PTPN2: variants seen among roughly 807,000 people sequenced by gnomAD.
The protein encoded by PTPN2 is tyrosine-protein phosphatase non-receptor type 2.
A neutral mutation model predicts 57.3 loss-of-function variants in PTPN2; 19 were observed. The observed-to-expected ratio is 0.33, with a 90% CI of 0.23 to 0.49. PTPN2 has a LOEUF of 0.49. Ranked by LOEUF, PTPN2 falls within the 20% of genes least tolerant of loss-of-function variation. PTPN2 has a pLI of 0.99. For synonymous variants in PTPN2, 153 were observed against 164.9 expected (o/e 0.93, Z 0.55); for missense variants, 358 against 501.1 (o/e 0.71, Z 2.73).
intron 1 of PTPN2, among the ~76,000 whole-genome samples, chr18:12,881,066 C>T (rs1475090072): frequency 6.6e-6 from 1 of 152,186 alleles, no homozygotes; most frequent in African/African-American, 2.4e-5. Flanking sequence ...TTACTCCAAC[C>T]GACTACTGCC....
At chr18:12,857,792 A>T (rs1366616738) in intron 2 of PTPN2, among the ~76,000 whole-genome samples, 1 of 152,224 alleles carries the variant, frequency 6.6e-6, no homozygotes, top group Non-Finnish European at 1.5e-5. Flanking sequence ...AACTGAAGAA[A>T]ATGGAAAACC....
chr18:12,851,254 T>A, intron 2 of PTPN2, among the ~76,000 whole-genome samples: 1 of 47,628 alleles, frequency 2.1e-5, no homozygotes, highest in Non-Finnish European at 5.8e-5. Flanking sequence ...CCGAGGCGGG[T>A]GGATCATGAG....
intron 9 of PTPN2, chr18:12,785,865 T>C: frequency 6.3e-7 from 1 of 1,583,468 alleles, no homozygotes; most frequent in Non-Finnish European, 8.7e-7. Context: ...AAATAAGAAG[T>C]CATCTATTCA....
intron 3 of PTPN2, among the ~76,000 whole-genome samples, chr18:12,834,392 A>G (rs931478916): frequency 6.6e-6 from 1 of 152,178 alleles, no homozygotes; most frequent in Non-Finnish European, 1.5e-5. Flanking sequence ...TGTATAAAAT[A>G]AAGGTAATAC....
In PTPN2 at chr18:12,868,522, C is replaced by T. The variant is rs554338746; in HGVS notation, c.70-9268G>A. Among the ~76,000 whole-genome samples the T allele has an allele frequency of 7.2e-5, 11 of 152,214 alleles. 1 individual carries two copies. In the East Asian group the frequency reaches 2.1e-3, roughly 30 times the overall value. On this transcript the variant is annotated intron_variant, in intron 1 of 8. Transcript: ENST00000309660. ...CCGCCCGCCTTGGCCTCCCAAAGTG[C>T]TGGGATTACAGGCGTGAGCCATCAC... is the stretch of plus-strand genomic sequence containing the variant.
chr18:12,824,381 C>T (rs1462859041), intron 5 of PTPN2, among the ~76,000 whole-genome samples: 10 of 152,194 alleles, frequency 6.6e-5, no homozygotes, highest in African/African-American at 1.9e-4. Context: ...CAGCAAAAAA[C>T]ACAAGTGTTT....
chr18:12,843,252 C>T (rs1236095032), intron 2 of PTPN2, among the ~76,000 whole-genome samples: 2 of 152,122 alleles, frequency 1.3e-5, no homozygotes, highest in Non-Finnish European at 1.5e-5. Flanking sequence ...GGTCTGTTTT[C>T]TTGTCTGTCA....
intron 2 of PTPN2, among the ~76,000 whole-genome samples, chr18:12,848,328 C>T (rs1356111627): frequency 2.0e-5 from 3 of 152,154 alleles, no homozygotes; most frequent in Non-Finnish European, 4.4e-5. Context: ...CGAAGCAATT[C>T]GTATCATCTA....
intron 7 of PTPN2, among the ~76,000 whole-genome samples, chr18:12,812,693 C>T (rs924517196): frequency 6.6e-6 from 1 of 152,042 alleles, no homozygotes; most frequent in Non-Finnish European, 1.5e-5. Context: ...TCTAAATGCA[C>T]CAATTAAAAA....
intron 1 of PTPN2, chr18:12,883,870 CTT>C (rs397959555): frequency 0.074 from 28,265 of 380,556 alleles, 283 homozygotes; most frequent in African/African-American, 0.12. Context: ...CTCAAGTATG[CTT>C]TTTTTTTTTT....
downstream of PTPN2, chr18:12,787,154 T>C (rs1028547582): frequency 5.3e-5 from 8 of 152,258 alleles, no homozygotes; most frequent in African/African-American, 1.9e-4. Context: ...GTTTTTTAAA[T>C]GTGCTCCATT....
At chr18:12,858,121 CTG>C (rs1230074329) in intron 2 of PTPN2, among the ~76,000 whole-genome samples, 1 of 152,160 alleles carries the variant, frequency 6.6e-6, no homozygotes, top group Admixed American at 6.5e-5. Context: ...GGTATACAGT[CTG>C]TGTCCTTGAA....
chr18:12,835,382 C>CTTTTTTTTTTTTTTT lies in PTPN2; in HGVS notation c.261+1408_261+1409insAAAAAAAAAAAAAAA, dbSNP rs60239177. The stretch of plus-strand genomic sequence containing the variant: ...CTGCAATGAACATGATCACATATGT[C>CTTTTTTTTTTTTTTT]TTTTTTTTTTTTTTGGACAGTTTTG... On this transcript the variant is annotated intron_variant, in intron 3 of 8. Transcript: ENST00000309660. Among the ~76,000 whole-genome samples the CTTTTTTTTTTTTTTT allele has an allele frequency of 4.1e-3, 409 of 98,976 alleles. 43 individuals carry two copies. Among genetic ancestry groups the CTTTTTTTTTTTTTTT allele is most frequent in the African/African-American group, 0.015 (370 of 23,876 alleles). 64.9% of individuals were successfully genotyped at this position (98,976 alleles called of 152,430 possible).
At chr18:12,866,778 G>A (rs529562788) in intron 1 of PTPN2, among the ~76,000 whole-genome samples, 12 of 152,230 alleles carry the variant, frequency 7.9e-5, no homozygotes, top group African/African-American at 2.9e-4. Context: ...GGAGGCCGAG[G>A]CAAATCACGA....
At chr18:12,804,289 CAAAAAA>C (rs59927276) in intron 7 of PTPN2, among the ~76,000 whole-genome samples, 7 of 67,868 alleles carry the variant, frequency 1.0e-4, no homozygotes, top group African/African-American at 2.6e-4. Flanking sequence ...GAAACTGTCT[CAAAAAA>C]AAAAAAAAAA....
intron 1 of PTPN2, among the ~76,000 whole-genome samples, chr18:12,870,390 T>TAA (rs2044187553): frequency 4.1e-5 from 3 of 73,388 alleles, no homozygotes. Context: ...TATACGTATA[T>TAA]ATGTATATAT....
chr18:12,797,059 A>G (rs1185125423), intron 8 of PTPN2, among the ~76,000 whole-genome samples: 1 of 152,138 alleles, frequency 6.6e-6, no homozygotes, highest in Non-Finnish European at 1.5e-5. Context: ...ATGACTTGCA[A>G]AAATTCTTAC....
intron 1 of PTPN2, among the ~76,000 whole-genome samples, chr18:12,874,533 T>TG (rs748527941): frequency 0.36 from 20,486 of 56,982 alleles, 5,205 homozygotes; most frequent in South Asian, 0.57. Context: ...GGGAGGAAGG[T>TG]GGGGGGGGGT....
chr18:12,868,020 C>G (rs1444683217), intron 1 of PTPN2, among the ~76,000 whole-genome samples: 1 of 152,198 alleles, frequency 6.6e-6, no homozygotes, highest in Admixed American at 6.5e-5. Context: ...TTAACCCACA[C>G]CTGTGTGGCC....
Sources: gnomAD v4.1 joint callset for allele counts (sites outside exome capture counted in the v4.1 genomes callset) on GRCh38, gnomAD v4.1.1 for gene constraint, MANE v1.5 for transcripts, NCBI Gene and HGNC (gene_info 2026-07-23, HGNC 2026-07-21) for gene names.